SLC2A9: variants seen among roughly 807,000 people sequenced by gnomAD.
SLC2A9 encodes the protein solute carrier family 2, facilitated glucose transporter member 9.
In SLC2A9, 39 loss-of-function variants were observed where a neutral mutation model predicts 50.6. The observed-to-expected ratio is 0.77, with a 90% CI of 0.60 to 1.01. The LOEUF is 1.01. Among genes scored for constraint, SLC2A9 ranks in the 50% least tolerant of loss-of-function variants. The pLI is 0.00. For missense variants in SLC2A9, 686 were observed against 677.6 expected (o/e 1.01, Z -0.14); for synonymous variants, 324 against 276.9 (o/e 1.17, Z -1.69).
chr4:9,819,381 GT>G, intron 3 of SLC2A9, among the ~76,000 whole-genome samples: 1 of 152,224 alleles, frequency 6.6e-6, no homozygotes, highest in African/African-American at 2.4e-5. Context: ...ATTCCAATAG[GT>G]TTGGGATATC....
In SLC2A9 at chr4:9,977,155, C is replaced by G. The variant is rs116775774; in HGVS notation, c.681+3437G>C. Among the ~76,000 whole-genome samples the G allele has an allele frequency of 9.4e-3, 1,431 of 152,270 alleles. 26 individuals carry two copies. Among genetic ancestry groups the G allele is most frequent in the African/African-American group, 0.033 (1,380 of 41,538 alleles). ...GCAGGCCAAAAGCCTTCTTGAAGCA[C>G]TCATCATGTCCTCAATGATGTCCCA... On this transcript the variant is annotated intron_variant, in intron 5 of 11. Coordinates refer to ENST00000264784, the MANE Select transcript of SLC2A9 (RefSeq NM_020041.3).
At chr4:9,977,249 A>G (rs1213786517) in intron 5 of SLC2A9, among the ~76,000 whole-genome samples, 1 of 152,230 alleles carries the variant, frequency 6.6e-6, no homozygotes, top group African/African-American at 2.4e-5. Flanking sequence ...AGGTGGCCCT[A>G]AGGCTAGACC....
chr4:9,966,498 A>G (rs1753072965), intron 5 of SLC2A9, among the ~76,000 whole-genome samples: 1 of 152,106 alleles, frequency 6.6e-6, no homozygotes, highest in South Asian at 2.1e-4. Flanking sequence ...TCTACCAAAA[A>G]TACAAAAATT....
chr4:9,970,076 G>A (rs1480349351), intron 5 of SLC2A9, among the ~76,000 whole-genome samples: 1 of 152,228 alleles, frequency 6.6e-6, no homozygotes, highest in African/African-American at 2.4e-5. Context: ...GTGGAAAACT[G>A]TGAGTCCTCA....
chr4:9,960,465 T>A (rs147697041), intron 5 of SLC2A9, among the ~76,000 whole-genome samples: 4 of 152,086 alleles, frequency 2.6e-5, no homozygotes, highest in South Asian at 2.1e-4. Context: ...TGAACAGGAG[T>A]GGCCCAGCCC....
chr4:9,799,995 CTG>C (rs1197222949), intron 3 of SLC2A9, among the ~76,000 whole-genome samples: 6 of 152,138 alleles, frequency 3.9e-5, no homozygotes, highest in African/African-American at 9.7e-5. Flanking sequence ...GATGGGGAAA[CTG>C]AACATTAGTA....
intron 3 of SLC2A9, among the ~76,000 whole-genome samples, chr4:9,814,146 G>GA (rs2109006490): frequency 6.6e-6 from 1 of 151,984 alleles, no homozygotes; most frequent in East Asian, 1.9e-4. Context: ...TCGCAAAAAT[G>GA]AAAAAGAAAT....
chr4:10,022,315 C>G (rs7663044), upstream of SLC2A9, among the ~76,000 whole-genome samples: 128,480 of 152,304 alleles, frequency 0.84, 54,263 homozygotes, highest in East Asian at 0.98. Flanking sequence ...AGTGTGGGCT[C>G]TCCTGTAGCC....
In SLC2A9 at chr4:9,977,681, CCAGATAAATCCT is replaced by C. The variant is rs1157533460; in HGVS notation, c.681+2899_681+2910del. On this transcript the variant is annotated intron_variant, in intron 5 of 11. Transcript: ENST00000264784. Reference sequence around the variant, plus strand: ...TGCCTCTCTCTTCCTACAGACCCGCCCAGATAAATCCTACTCATCCTCAAGCCATGAGTTTAG... The same window carrying C: ...TGCCTCTCTCTTCCTACAGACCCGCCACTCATCCTCAAGCCATGAGTTTAG... Among the ~76,000 whole-genome samples the C allele has an allele frequency of 3.3e-5, 5 of 152,140 alleles. No homozygotes were observed. In the East Asian group the frequency reaches 9.7e-4, roughly 29 times the overall value.
At chr4:10,016,015 G>A (rs34644460) in intron 2 of SLC2A9, among the ~76,000 whole-genome samples, 12,305 of 152,232 alleles carry the variant, frequency 0.081, 891 homozygotes, top group East Asian at 0.39. Context: ...AGATGGCTCA[G>A]TCCTGGACTC....
intron 3 of SLC2A9, among the ~76,000 whole-genome samples, chr4:9,786,067 G>T (rs754643556): frequency 6.6e-6 from 1 of 152,210 alleles, no homozygotes; most frequent in Admixed American, 6.5e-5. Flanking sequence ...GATTGTTCCT[G>T]GTGCCCTCGG....
downstream of SLC2A9, among the ~76,000 whole-genome samples, chr4:9,796,991 T>C (rs1405612894): frequency 6.6e-6 from 1 of 152,120 alleles, no homozygotes; most frequent in Non-Finnish European, 1.5e-5. Context: ...GGAAAACGGA[T>C]GTTTGCTGAA....
chr4:9,872,908 A>G (rs1733690386), intron 10 of SLC2A9, among the ~76,000 whole-genome samples: 2 of 152,200 alleles, frequency 1.3e-5, no homozygotes, highest in Non-Finnish European at 2.9e-5. Context: ...CAGCAATGTG[A>G]CCTCTCAGTG....
At chr4:9,936,800 C>T (rs1349721995) in intron 6 of SLC2A9, among the ~76,000 whole-genome samples, 2 of 152,116 alleles carry the variant, frequency 1.3e-5, no homozygotes, top group Non-Finnish European at 2.9e-5. Context: ...CCCCACCACC[C>T]TGAAATCTTT....
chr4:9,908,150 T>TG, intron 8 of SLC2A9, 85 bp downstream of exon 8: 1 of 903,838 alleles, frequency 1.1e-6, no homozygotes, highest in Middle Eastern at 2.5e-4. Flanking sequence ...GGGGAAAGCC[T>TG]GTGCCTTAAA....
chr4:9,881,291 T>G (rs1021762874), intron 10 of SLC2A9, among the ~76,000 whole-genome samples: 1 of 152,234 alleles, frequency 6.6e-6, no homozygotes, highest in Non-Finnish European at 1.5e-5. Flanking sequence ...TTGGTTGGCC[T>G]TCAGTGCAGC....
At chr4:9,980,015 C>T (rs1341556866) in intron 5 of SLC2A9, among the ~76,000 whole-genome samples, 1 of 150,044 alleles carries the variant, frequency 6.7e-6, no homozygotes, top group Non-Finnish European at 1.5e-5. Context: ...TACCCCACCC[C>T]ATTCGACCTG....
intron 7 of SLC2A9, among the ~76,000 whole-genome samples, chr4:9,916,341 C>T (rs967632041): frequency 1.3e-5 from 2 of 152,160 alleles, no homozygotes; most frequent in Non-Finnish European, 2.9e-5. Flanking sequence ...GTCACCAGGC[C>T]CATATGGCTC....
In SLC2A9 at chr4:10,012,900, C is replaced by G. The variant is rs571941823; in HGVS notation, c.249+6075G>C. On this transcript the variant is annotated intron_variant, in intron 2 of 11. Coordinates refer to ENST00000264784, the MANE Select transcript of SLC2A9 (RefSeq NM_020041.3). ...TACCGTGTAAGTCACCACAGTCTGG[C>G]TTGCTTTCTAGATATAGTGGGTTTT... Among the ~76,000 whole-genome samples, 3 of 152,244 alleles carry G rather than the reference C, an allele frequency of 2.0e-5. No homozygotes were observed. The South Asian group carries it at 6.2e-4, about 32-fold the overall frequency.
Sources: allele counts gnomAD v4.1 joint callset (sites outside exome capture counted in the v4.1 genomes callset), GRCh38; gene constraint gnomAD v4.1.1; transcripts MANE v1.5; gene names NCBI Gene and HGNC (gene_info 2026-07-23, HGNC 2026-07-21).